Variants in GRPR observed in about 807,000 individuals in gnomAD.
The protein encoded by GRPR is gastrin releasing peptide receptor.
A neutral mutation model predicts 15.6 loss-of-function variants in GRPR; 4 were observed. The observed-to-expected ratio is 0.26, with a 90% CI of 0.13 to 0.59. GRPR has a LOEUF of 0.59. GRPR is among the 20% of genes least tolerant of loss of function. The probability of loss-of-function intolerance (pLI) is 0.90; values close to 1 mark genes in which losing one functional copy is unlikely to be tolerated. For synonymous variants in GRPR, 128 were observed against 126.8 expected (o/e 1.01, Z -0.06); for missense variants, 270 against 304.1 (o/e 0.89, Z 0.83).
At chrX:16,139,475 T>C (rs1481934328) in intron 1 of GRPR, among the ~76,000 whole-genome samples, 1 of 111,074 alleles carries the variant, frequency 9.0e-6, no homozygotes, top group Non-Finnish European at 1.9e-5. Context: ...TTTTTTTTTT[T>C]ACTTGTCAGC....
At chrX:16,143,792 G>A (rs777586312) in intron 1 of GRPR, among the ~76,000 whole-genome samples, 3 of 112,358 alleles carry the variant, frequency 2.7e-5, no homozygotes, top group Non-Finnish European at 5.6e-5. Flanking sequence ...TGTTCATTCA[G>A]TGTAGCACCT....
At chrX:16,138,155 G>A (rs1424062029) in intron 1 of GRPR, among the ~76,000 whole-genome samples, 1 of 111,772 alleles carries the variant, frequency 8.9e-6, no homozygotes. Context: ...GGGGTGCTTT[G>A]TGTCATTTTA....
In GRPR at chrX:16,152,706, T is replaced by C. The variant is rs1226575382; in HGVS notation, c.*61T>C. The C allele has an allele frequency of 8.8e-6, 9 of 1,026,599 alleles. No homozygotes were observed. The highest frequency in any genetic ancestry group is 4.4e-5 in the Admixed American group (2 of 45,667). The allele number at this position is 1,026,599 out of a possible 1,213,427, so 84.6% of individuals were successfully genotyped here. A position where few individuals can be genotyped will look rare whatever the true frequency, so the allele number is the denominator to read the frequency against. Reference sequence around the variant, plus strand: ...TGCTTTATGGCTAGACAGGAACCCTTGCATCCATTGTTGTGTCTGTGCCCT... The same window carrying C: ...TGCTTTATGGCTAGACAGGAACCCTCGCATCCATTGTTGTGTCTGTGCCCT... On this transcript the variant is annotated 3_prime_UTR_variant, in exon 3 of 3. Transcript: ENST00000380289.
chrX:16,128,299 G>A (rs748559049), intron 1 of GRPR, among the ~76,000 whole-genome samples: 14 of 112,001 alleles, frequency 1.2e-4, no homozygotes, highest in Non-Finnish European at 2.6e-4. Flanking sequence ...TGGATCACTT[G>A]AGGTCAGGAG....
At chrX:16,130,242 C>T (rs1227472031) in intron 1 of GRPR, among the ~76,000 whole-genome samples, 1 of 112,150 alleles carries the variant, frequency 8.9e-6, no homozygotes, top group Non-Finnish European at 1.9e-5. Flanking sequence ...GCCAGGCCCA[C>T]TCTGCATTCA....
intron 1 of GRPR, among the ~76,000 whole-genome samples, chrX:16,148,918 G>A (rs1296425625): frequency 9.0e-6 from 1 of 111,627 alleles, no homozygotes; most frequent in Non-Finnish European, 1.9e-5. Flanking sequence ...GGTGTGGTTA[G>A]CTGAAGCCTC....
chrX:16,140,228 T>G (rs1256015629), intron 1 of GRPR, among the ~76,000 whole-genome samples: 1 of 112,049 alleles, frequency 8.9e-6, no homozygotes, highest in Non-Finnish European at 1.9e-5. Context: ...TGTTAAATTT[T>G]TATAATTAGA....
At chrX:16,140,104 C>T (rs2060558411) in intron 1 of GRPR, among the ~76,000 whole-genome samples, 1 of 111,983 alleles carries the variant, frequency 8.9e-6, no homozygotes, top group African/African-American at 3.3e-5. Flanking sequence ...GGTGATGCCT[C>T]ACCAGCACTG....
chrX:16,143,668 A>G (rs1922562051), intron 1 of GRPR, among the ~76,000 whole-genome samples: 2 of 111,904 alleles, frequency 1.8e-5, no homozygotes, highest in African/African-American at 6.5e-5. Context: ...TATTACTTGA[A>G]ATTACCACAA....
intron 1 of GRPR, among the ~76,000 whole-genome samples, chrX:16,133,093 A>G (rs950519827): frequency 9.0e-6 from 1 of 111,597 alleles, no homozygotes; most frequent in East Asian, 2.8e-4. Context: ...CACCTGTTTC[A>G]TAATATTTTT....
chrX:16,124,010 C>T lies in GRPR; in HGVS notation c.57C>T (p.Cys19=). Residue 19 remains cysteine, a synonymous_variant, in exon 1 of 3, where the codon TGC becomes TGT. Transcript: ENST00000380289. ...LNLEVDHFMH[C]NISSHSADLP... ...TGGAGGTGGACCATTTCATGCACTGCAACATCTCCAGTCACAGTGCGGATC... is the reference window on the plus strand; with the variant it reads ...TGGAGGTGGACCATTTCATGCACTGTAACATCTCCAGTCACAGTGCGGATC... The T allele has an allele frequency of 8.3e-7, 1 of 1,202,292 alleles. No homozygotes were observed. Among genetic ancestry groups the T allele is most frequent in the South Asian group, 1.8e-5 (1 of 56,687 alleles).
chrX:16,143,766 G>A (rs1922563821), intron 1 of GRPR, among the ~76,000 whole-genome samples: 1 of 112,278 alleles, frequency 8.9e-6, no homozygotes, highest in African/African-American at 3.2e-5. Context: ...TAGCGAAGTG[G>A]GATGTGAGTT....
intron 2 of GRPR, among the ~76,000 whole-genome samples, chrX:16,152,034 CTTTT>C (rs58339846): frequency 0.016 from 1,792 of 109,401 alleles, 9 homozygotes; most frequent in Non-Finnish European, 0.027. Context: ...GTTTCTGACT[CTTTT>C]TTTTTCCTTT....
intron 1 of GRPR, among the ~76,000 whole-genome samples, chrX:16,127,683 A>G (rs1420323600): frequency 1.8e-5 from 2 of 112,291 alleles, no homozygotes; most frequent in African/African-American, 6.5e-5. Flanking sequence ...TACTACCCGT[A>G]TGAGAAAGTG....
chrX:16,139,224 A>G (rs1922493337), intron 1 of GRPR, among the ~76,000 whole-genome samples: 1 of 112,491 alleles, frequency 8.9e-6, no homozygotes. Context: ...CCTAGTCAAA[A>G]GAGTGAGTGC....
intron 1 of GRPR, among the ~76,000 whole-genome samples, chrX:16,135,568 CT>C (rs1006979765): frequency 8.9e-6 from 1 of 112,203 alleles, no homozygotes; most frequent in Non-Finnish European, 1.9e-5. Flanking sequence ...TTTCTTCATG[CT>C]GTCTACATAT....
intron 1 of GRPR, among the ~76,000 whole-genome samples, chrX:16,128,446 C>T (rs1569125374): frequency 1.8e-5 from 2 of 110,484 alleles, no homozygotes; most frequent in Non-Finnish European, 3.8e-5. Context: ...ACCCAGGAGG[C>T]GGAGGTTGCA....
At chrX:16,139,939 G>C (rs1170551921) in intron 1 of GRPR, among the ~76,000 whole-genome samples, 1 of 112,577 alleles carries the variant, frequency 8.9e-6, no homozygotes. Flanking sequence ...CACACAGTGA[G>C]TACTATGTAA....
At chrX:16,152,174 C>G in intron 2 of GRPR, 82 bp from the exon 3 acceptor site, 1 of 865,194 alleles carries the variant, frequency 1.2e-6, no homozygotes. Context: ...TTCTCTTTCT[C>G]TGCCTGAATC....
Sources: allele counts gnomAD v4.1 joint callset (sites outside exome capture counted in the v4.1 genomes callset), GRCh38; gene constraint gnomAD v4.1.1; transcripts MANE v1.5; gene names NCBI Gene and HGNC (gene_info 2026-07-23, HGNC 2026-07-21).